XPO6: variants seen among roughly 807,000 people sequenced by gnomAD.
XPO6 encodes exportin 6.
A neutral mutation model predicts 130.0 loss-of-function variants in XPO6; 3 were observed. The observed-to-expected ratio is 0.02, with a 90% CI of 0.01 to 0.06. XPO6 has a LOEUF of 0.06. XPO6 is among the 10% of genes least tolerant of loss of function. XPO6 has a pLI of 1.00. For missense variants in XPO6, 970 were observed against 1,393.0 expected (o/e 0.70, Z 4.83); for synonymous variants, 524 against 548.9 (o/e 0.95, Z 0.63).
chr16:28,107,064 G>C (rs1243159767), intron 18 of XPO6, among the ~76,000 whole-genome samples: 2 of 152,154 alleles, frequency 1.3e-5, no homozygotes, highest in South Asian at 4.1e-4. Context: ...CACGCAATCT[G>C]CTTGCAAGAG....
At chr16:28,204,446 CCAAAGGCCTGGAG>C (rs1176186257) in intron 1 of XPO6, among the ~76,000 whole-genome samples, 1 of 151,642 alleles carries the variant, frequency 6.6e-6, no homozygotes, top group African/African-American at 2.4e-5. Context: ...GGGAGCCAGG[CCAAAGGCCTGGAG>C]CAGGAACATG....
Position 28,132,278 on chromosome 16 carries a change from T to C in XPO6, c.1606+56A>G. 2.3e-6 allele frequency: 3 copies of C among 1,325,820 alleles called. No individual in the cohort carries two copies. The highest frequency in any genetic ancestry group is 1.3e-5 in the South Asian group (1 of 78,166). The allele number at this position is 1,325,820 out of a possible 1,614,324, so 82.1% of individuals were successfully genotyped here. ...CAGCAACGGCAGCAGTAATGAAATA[T>C]CAGTCCGATGGTTTTTTGAATGTTT... is the stretch of plus-strand genomic sequence containing the variant. On this transcript the variant is annotated intron_variant, in intron 12 of 23. Coordinates refer to ENST00000304658, the MANE Select transcript of XPO6 (RefSeq NM_015171.4). This position sits in a 1 kb window ranked among gnomAD's most constrained non-coding sequence, Gnocchi z 4.0.
At chr16:28,188,577 A>T (rs1416402950) in intron 1 of XPO6, among the ~76,000 whole-genome samples, 1 of 151,476 alleles carries the variant, frequency 6.6e-6, no homozygotes, top group African/African-American at 2.4e-5. Flanking sequence ...AGATATTCAA[A>T]CTCATGTAAA....
rs771098924 is a variant in XPO6 at position 28,098,519 on chromosome 16, T to G, written c.*19A>C. The G allele has an allele frequency of 3.1e-6, 5 of 1,596,794 alleles. No homozygotes were observed. In the East Asian group the frequency reaches 9.0e-5, roughly 29 times the overall value. ...CAGGTGGCAGCAGCAGAAGTCCGTG[T>G]CCCCAGGCAGTAGCAGGCCTAGAGC... On this transcript the variant is annotated 3_prime_UTR_variant, in exon 24 of 24. Coordinates refer to ENST00000304658, the MANE Select transcript of XPO6 (RefSeq NM_015171.4).
chr16:28,163,926 G>A lies in XPO6; in HGVS notation c.643+2582C>T, dbSNP rs540771214. Among the ~76,000 whole-genome samples the A allele has an allele frequency of 2.2e-4, 34 of 152,302 alleles. 1 individual carries two copies. In the South Asian group the frequency reaches 6.6e-3, roughly 30 times the overall value. On this transcript the variant is annotated intron_variant, in intron 6 of 23. Coordinates refer to ENST00000304658, the MANE Select transcript of XPO6 (RefSeq NM_015171.4). ...GCAAGAGACAGACTAGTCTGATCTC[G>A]TGAGGTGAGTGATCACTATTGCAGC...
chr16:28,203,014 G>A (rs541665595), intron 1 of XPO6, among the ~76,000 whole-genome samples: 21 of 152,298 alleles, frequency 1.4e-4, no homozygotes, highest in East Asian at 9.6e-4. Context: ...GGTGGCTTAC[G>A]CCTGTAATCC....
chr16:28,178,602 G>GA (rs77812683), intron 2 of XPO6, among the ~76,000 whole-genome samples: 3,443 of 148,486 alleles, frequency 0.023, 115 homozygotes, highest in African/African-American at 0.081. Flanking sequence ...GCTATTTAAA[G>GA]AAAAAAAAAA....
intron 13 of XPO6, among the ~76,000 whole-genome samples, chr16:28,124,529 T>A (rs2087343849): frequency 6.6e-6 from 1 of 152,140 alleles, no homozygotes; most frequent in Non-Finnish European, 1.5e-5. Context: ...CGCTACGGTT[T>A]GGAAAGCGCA....
intron 13 of XPO6, among the ~76,000 whole-genome samples, chr16:28,123,074 C>T (rs370637944): frequency 2.4e-4 from 37 of 152,120 alleles, no homozygotes; most frequent in African/African-American, 8.9e-4. Flanking sequence ...ATGGGAAATG[C>T]CTCTTTCATT....
chr16:28,121,440 A>G (rs563370016), intron 14 of XPO6, among the ~76,000 whole-genome samples: 1 of 151,982 alleles, frequency 6.6e-6, no homozygotes, highest in Admixed American at 6.6e-5. Context: ...TGAAATGCCT[A>G]CTCCATAGAA....
At chr16:28,197,914 T>TTA (rs370377104) in intron 1 of XPO6, among the ~76,000 whole-genome samples, 9 of 45,750 alleles carry the variant, frequency 2.0e-4, no homozygotes, top group Non-Finnish European at 3.2e-4. Context: ...GAGAGACTCT[T>TTA]AAAAAAAAAA....
intron 1 of XPO6, among the ~76,000 whole-genome samples, chr16:28,188,169 C>T (rs2043725072): frequency 6.6e-6 from 1 of 152,164 alleles, no homozygotes. Flanking sequence ...TTAAAACCCC[C>T]AGGTTCAAGC....
At chr16:28,149,539 C>G (rs1327803485) in intron 8 of XPO6, among the ~76,000 whole-genome samples, 2 of 152,164 alleles carry the variant, frequency 1.3e-5, no homozygotes, top group Non-Finnish European at 1.5e-5. Context: ...TCTACCTTTT[C>G]TATGTTTAGA....
chr16:28,129,760 C>T (rs42758), intron 12 of XPO6, among the ~76,000 whole-genome samples: 8,886 of 152,218 alleles, frequency 0.058, 653 homozygotes, highest in East Asian at 0.17. Flanking sequence ...AAAAATCTTA[C>T]ATAAAATGTT....
chr16:28,135,386 C>A, intron 9 of XPO6, 62 bp from the exon 10 acceptor site: 2 of 1,305,968 alleles, frequency 1.5e-6, no homozygotes, highest in South Asian at 1.2e-5. Flanking sequence ...TTGGAAAATG[C>A]CTCCTGCACT....
intron 1 of XPO6, among the ~76,000 whole-genome samples, chr16:28,189,525 A>G (rs2043752209): frequency 6.6e-6 from 1 of 152,092 alleles, no homozygotes; most frequent in African/African-American, 2.4e-5. Flanking sequence ...AGCAGAGGGA[A>G]GACCGAGGTA....
intron 6 of XPO6, among the ~76,000 whole-genome samples, chr16:28,163,681 G>A (rs1314871546): frequency 6.6e-6 from 1 of 152,212 alleles, no homozygotes; most frequent in Admixed American, 6.5e-5. Flanking sequence ...AGCGGTCAGA[G>A]AAGGTGAAGG....
chr16:28,192,412 A>G (rs1427503932), intron 1 of XPO6, among the ~76,000 whole-genome samples: 1 of 152,220 alleles, frequency 6.6e-6, no homozygotes, highest in African/African-American at 2.4e-5. Context: ...AGAGCAAACC[A>G]AAGTCTACCA....
chr16:28,208,668 T>C (rs2141921285), intron 1 of XPO6, among the ~76,000 whole-genome samples: 1 of 152,270 alleles, frequency 6.6e-6, no homozygotes, highest in East Asian at 1.9e-4. Flanking sequence ...TACTCAAAGG[T>C]GGTCATTCCC....
Sources: gnomAD v4.1 joint callset for allele counts (sites outside exome capture counted in the v4.1 genomes callset) on GRCh38, gnomAD v4.1.1 for gene constraint, Gnocchi (gnomAD v3.1) non-coding constraint, MANE v1.5 for transcripts, NCBI Gene and HGNC (gene_info 2026-07-23, HGNC 2026-07-21) for gene names.